Variants in PTPRD observed in about 807,000 individuals in gnomAD.
The protein encoded by PTPRD is receptor-type tyrosine-protein phosphatase delta.
Under a neutral mutation model 214.5 loss-of-function variants are expected in PTPRD, and 34 were observed. That is an observed-to-expected ratio of 0.16 (90% CI 0.12 to 0.21). The LOEUF is 0.21. Among genes scored for constraint, PTPRD ranks in the 10% least tolerant of loss-of-function variants. The probability of loss-of-function intolerance (pLI) is 1.00; values close to 1 mark genes in which losing one functional copy is unlikely to be tolerated. For missense variants in PTPRD, 2,545 were observed against 2,398.7 expected (o/e 1.06, Z -1.27); for synonymous variants, 1,128 against 845.7 (o/e 1.33, Z -5.79).
intron 5 of PTPRD, among the ~76,000 whole-genome samples, chr9:9,802,286 C>A (rs1015482055): frequency 6.6e-6 from 1 of 151,938 alleles, no homozygotes; most frequent in South Asian, 2.1e-4. Context: ...TTGTTTCCCT[C>A]GTTTTTCATC....
chr9:10,208,341 C>T (rs1017687253), intron 3 of PTPRD, among the ~76,000 whole-genome samples: 18 of 152,070 alleles, frequency 1.2e-4, no homozygotes, highest in Non-Finnish European at 1.9e-4. Context: ...GGTGAAACCC[C>T]GTCTCTACTA....
At chr9:8,757,621 CATATATAT>C (rs140684940) in intron 11 of PTPRD, among the ~76,000 whole-genome samples, 1 of 143,384 alleles carries the variant, frequency 7.0e-6, no homozygotes, top group Non-Finnish European at 1.5e-5. Flanking sequence ...ATAAATTCTG[CATATATAT>C]ATATATATAT....
chr9:10,439,120 A>G (rs1588196745), intron 2 of PTPRD, among the ~76,000 whole-genome samples: 1 of 151,822 alleles, frequency 6.6e-6, no homozygotes, highest in Non-Finnish European at 1.5e-5. Flanking sequence ...ACCAGCTTAA[A>G]CTGTCAACTC....
chr9:9,395,547 G>C (rs1466924478), intron 9 of PTPRD, among the ~76,000 whole-genome samples: 1 of 152,060 alleles, frequency 6.6e-6, no homozygotes, highest in East Asian at 1.9e-4. Flanking sequence ...CCTTCTTCAA[G>C]CACCTACAAG....
Position 9,253,810 on chromosome 9 carries a change from G to A in PTPRD, c.-202-70447C>T, listed in dbSNP as rs942856537. 5.3e-5 allele frequency among the ~76,000 whole-genome samples: 8 copies of A among 152,096 alleles called. No individual in the cohort carries two copies. In the East Asian group the frequency reaches 1.6e-3, roughly 30 times the overall value. ...TAACAAATTATCACAAACTTGGTAA[G>A]TTAAAACAGCAGAAGTTTATTCTCT... On this transcript the variant is annotated intron_variant, in intron 9 of 45. Transcript: ENST00000381196.
intron 10 of PTPRD, among the ~76,000 whole-genome samples, chr9:9,045,321 T>C (rs983091363): frequency 1.3e-5 from 2 of 152,180 alleles, no homozygotes; most frequent in Non-Finnish European, 2.9e-5. Flanking sequence ...GGATGAACCA[T>C]TTCTCTTTAG....
intron 5 of PTPRD, among the ~76,000 whole-genome samples, chr9:9,769,232 T>A (rs1403396079): frequency 6.6e-6 from 1 of 151,004 alleles, no homozygotes; most frequent in African/African-American, 2.4e-5. Flanking sequence ...AACTACATTT[T>A]AACCAGAAGC....
intron 11 of PTPRD, among the ~76,000 whole-genome samples, chr9:8,750,474 A>C (rs2093406430): frequency 6.6e-6 from 1 of 152,060 alleles, no homozygotes; most frequent in Non-Finnish European, 1.5e-5. Flanking sequence ...GTTTTTTTTA[A>C]GGTACCTGGT....
At chr9:9,371,213 T>A (rs919717534) in intron 9 of PTPRD, among the ~76,000 whole-genome samples, 5 of 152,196 alleles carry the variant, frequency 3.3e-5, no homozygotes, top group African/African-American at 9.6e-5. Flanking sequence ...GTACCTCTGG[T>A]AGAATTCGGC....
chr9:10,175,243 C>T (rs1348952934), intron 3 of PTPRD, among the ~76,000 whole-genome samples: 2 of 151,942 alleles, frequency 1.3e-5, no homozygotes, highest in Non-Finnish European at 2.9e-5. Context: ...AAATTTCAGT[C>T]TCTTCCCTTG....
intron 5 of PTPRD, among the ~76,000 whole-genome samples, chr9:9,781,692 G>A (rs1025763590): frequency 6.6e-6 from 1 of 151,962 alleles, no homozygotes; most frequent in African/African-American, 2.4e-5. Context: ...CAACTTTCTC[G>A]AAAAGACTAT....
chr9:8,677,559 C>T (rs1052029770), intron 12 of PTPRD, among the ~76,000 whole-genome samples: 1 of 152,120 alleles, frequency 6.6e-6, no homozygotes, highest in African/African-American at 2.4e-5. Context: ...CAAACAACTA[C>T]CAATCAGGTA....
chr9:10,002,985 GACC>G (rs995522281), intron 4 of PTPRD, among the ~76,000 whole-genome samples: 35 of 151,260 alleles, frequency 2.3e-4, no homozygotes, highest in African/African-American at 8.0e-4. Context: ...TTAAATGAAA[GACC>G]ACCAACTAAA....
chr9:10,413,946 A>G (rs2098462165), intron 2 of PTPRD, among the ~76,000 whole-genome samples: 1 of 152,008 alleles, frequency 6.6e-6, no homozygotes, highest in African/African-American at 2.4e-5. Context: ...ACCATATAGA[A>G]AGATCAACTT....
rs180811571 is a variant in PTPRD at position 9,703,642 on chromosome 9, T to A, written c.-287+30891A>T. The stretch of plus-strand genomic sequence containing the variant: ...ATATACATTTATGTGGCTAGTAATT[T>A]TGCTATCTGTTGATTTGTTCTGTAC... On this transcript the variant is annotated intron_variant, in intron 7 of 45. Transcript: ENST00000381196. Among the ~76,000 whole-genome samples the A allele has an allele frequency of 2.4e-3, 366 of 152,294 alleles. 1 individual carries two copies. The highest frequency in any genetic ancestry group is 8.4e-3 in the African/African-American group (348 of 41,566).
intron 32 of PTPRD, among the ~76,000 whole-genome samples, chr9:8,464,936 A>C (rs1409372397): frequency 6.6e-6 from 1 of 151,904 alleles, no homozygotes; most frequent in East Asian, 1.9e-4. Context: ...GACCTTCCTC[A>C]TGAATCCGGG....
chr9:10,138,857 G>A (rs1345445454), intron 3 of PTPRD, among the ~76,000 whole-genome samples: 1 of 152,016 alleles, frequency 6.6e-6, no homozygotes, highest in African/African-American at 2.4e-5. Context: ...ATCGCTTCAT[G>A]AAGTAACCCT....
At chr9:9,956,473 G>C (rs1206274519) in intron 4 of PTPRD, among the ~76,000 whole-genome samples, 2 of 151,966 alleles carry the variant, frequency 1.3e-5, no homozygotes, top group Non-Finnish European at 2.9e-5. Flanking sequence ...ATGTGCCTGT[G>C]GGTTTGCAAA....
intron 2 of PTPRD, among the ~76,000 whole-genome samples, chr9:10,510,666 G>A (rs1046655769): frequency 3.9e-5 from 6 of 152,026 alleles, no homozygotes; most frequent in Non-Finnish European, 8.8e-5. Flanking sequence ...TCTGGGTAAT[G>A]GGGATGTCCA....
Sources: gnomAD v4.1 joint callset for allele counts (sites outside exome capture counted in the v4.1 genomes callset) on GRCh38, gnomAD v4.1.1 for gene constraint, MANE v1.5 for transcripts, NCBI Gene and HGNC (gene_info 2026-07-23, HGNC 2026-07-21) for gene names.